Variants in PFKP observed in about 807,000 individuals in gnomAD.
The protein encoded by PFKP is phosphofructokinase, platelet.
Under a neutral mutation model 94.3 loss-of-function variants are expected in PFKP, and 101 were observed. That is an observed-to-expected ratio of 1.07 (90% CI 0.91 to 1.26). PFKP has a LOEUF of 1.26. PFKP is among the 50% of genes most tolerant of loss of function. The probability of loss-of-function intolerance (pLI) is 0.00; values close to 1 mark genes in which losing one functional copy is unlikely to be tolerated. For synonymous variants in PFKP, 573 were observed against 432.6 expected, an observed-to-expected ratio of 1.32 and a Z score of -4.03; for missense variants, 1,145 against 1,103.3, an observed-to-expected ratio of 1.04 and a Z score of -0.53.
At chr10:3,097,529 AG>A (rs571672532) in intron 2 of PFKP, among the ~76,000 whole-genome samples, 2 of 152,162 alleles carry the variant, frequency 1.3e-5, no homozygotes, top group South Asian at 4.2e-4. Flanking sequence ...CCATGGAGGT[AG>A]GGGGCCTGGT....
At chr10:3,113,028 G>T in intron 11 of PFKP, 91 bp from the exon 12 acceptor site, 2 of 1,129,766 alleles carry the variant, frequency 1.8e-6, no homozygotes, top group Non-Finnish European at 2.6e-6. Flanking sequence ...GACACATTGA[G>T]TGCTGGCAGA....
rs140190488 is a variant in PFKP, at chr10:3,131,726, T to C, written c.1849-654T>C. 8.6e-3 allele frequency among the ~76,000 whole-genome samples: 1,311 copies of C among 152,336 alleles called. 16 individuals carry two copies. The highest frequency in any genetic ancestry group is 0.03 in the African/African-American group (1,245 of 41,564). On this transcript the variant is annotated intron_variant, in intron 17 of 21. Coordinates refer to ENST00000381125, the MANE Select transcript of PFKP (RefSeq NM_002627.5). ...TATCCGCCTTGGCCTCCCAAAGTGC[T>C]GGGACTACAGGCATGAGCCACCATG...
intron 16 of PFKP, among the ~76,000 whole-genome samples, chr10:3,123,346 G>T (rs116021966): frequency 6.6e-6 from 1 of 152,228 alleles, no homozygotes; most frequent in Admixed American, 6.5e-5. Context: ...GCCTGGCTGC[G>T]CTTGGTCTTG....
chr10:3,135,649 C>G (rs899387846), intron 20 of PFKP, 87 bp from the exon 21 acceptor site: 1 of 805,486 alleles, frequency 1.2e-6, no homozygotes, highest in Non-Finnish European at 2.1e-6. Flanking sequence ...TCTGAGGAAT[C>G]TCAGTTCTCA....
intron 16 of PFKP, among the ~76,000 whole-genome samples, chr10:3,122,600 C>T (rs578060439): frequency 6.6e-6 from 1 of 152,312 alleles, no homozygotes; most frequent in East Asian, 1.9e-4. Context: ...GCTCCGGGTC[C>T]CCCCGGCCAC....
chr10:3,133,807 G>C (rs1451680119), intron 19 of PFKP, among the ~76,000 whole-genome samples: 3 of 152,110 alleles, frequency 2.0e-5, no homozygotes, highest in Non-Finnish European at 4.4e-5. Context: ...TGAGTAATGG[G>C]GATTTTAAGG....
chr10:3,112,988 GCCT>G, intron 11 of PFKP, 128 bp from the exon 12 acceptor site: 2 of 780,552 alleles, frequency 2.6e-6, no homozygotes, highest in Non-Finnish European at 4.2e-6. Flanking sequence ...GAACCCTGGG[GCCT>G]CCTCCTTCTG....
intron 1 of PFKP, among the ~76,000 whole-genome samples, chr10:3,080,090 G>T (rs550425373): frequency 9.7e-4 from 138 of 142,644 alleles, no homozygotes; most frequent in African/African-American, 3.2e-3. Flanking sequence ...TGCTACCAAG[G>T]TTCAGGAACA....
intron 16 of PFKP, among the ~76,000 whole-genome samples, chr10:3,123,149 C>T (rs552913686): frequency 2.0e-5 from 3 of 152,294 alleles, no homozygotes; most frequent in South Asian, 2.1e-4. Context: ...ACCTCAGAGC[C>T]GGTGTGACAC....
At chr10:3,124,032 C>A (rs560679974) in intron 16 of PFKP, among the ~76,000 whole-genome samples, 18 of 148,754 alleles carry the variant, frequency 1.2e-4, no homozygotes, top group African/African-American at 4.4e-4. Context: ...ATCCACCGTG[C>A]TGTGAACTCA....
Position 3,073,861 on chromosome 10 carries a change from G to A in PFKP, c.112+6154G>A, listed in dbSNP as rs114660101. Among the ~76,000 whole-genome samples the A allele has an allele frequency of 6.5e-3, 993 of 152,036 alleles. 17 individuals are homozygous for A. Among genetic ancestry groups the A allele is most frequent in the African/African-American group, 0.022 (924 of 41,428 alleles). Reference sequence around the variant, plus strand: ...TTGTTTGTTTGTTTGTTTTTGAGACGGGATCTTGCCCTCTTGCCCAGCCTG... The same window carrying A: ...TTGTTTGTTTGTTTGTTTTTGAGACAGGATCTTGCCCTCTTGCCCAGCCTG... On this transcript the variant is annotated intron_variant, in intron 1 of 21. Coordinates refer to ENST00000381125, the MANE Select transcript of PFKP (RefSeq NM_002627.5).
chr10:3,082,560 A>G (rs966928309), intron 2 of PFKP, 99 bp downstream of exon 2: 7 of 773,436 alleles, frequency 9.1e-6, no homozygotes, highest in Non-Finnish European at 1.4e-5. Flanking sequence ...CATGCTGAGC[A>G]CAGCCGAAGA....
intron 1 of PFKP, among the ~76,000 whole-genome samples, chr10:3,071,726 G>C (rs938849614): frequency 6.6e-6 from 1 of 152,166 alleles, no homozygotes; most frequent in Admixed American, 6.5e-5. Flanking sequence ...TGTGAAAGCT[G>C]CGTCCTTTTT....
rs755660481 is a variant in PFKP, at chr10:3,129,917, G to A, written c.1782G>A (p.Gly594=). The A allele has an allele frequency of 2.5e-6, 4 of 1,612,262 alleles. No homozygotes were observed. The African/African-American group carries it at 5.3e-5, about 22-fold the overall frequency. The change falls in exon 17 of 22, where the codon GGG becomes GGA. Residue 594 remains glycine (G), a synonymous_variant. Transcript: ENST00000381125. ...ACTGTGGCTACCTGGCCAACATGGG[G>A]GGGCTCGCGGCCGGAGCTGATGCCG... is the stretch of plus-strand genomic sequence containing the variant. ...GGYCGYLANM[G]GLAAGADAAY... is the part of the protein sequence containing the mutation.
chr10:3,134,020 G>T (rs1378908562), intron 19 of PFKP, among the ~76,000 whole-genome samples: 1 of 152,136 alleles, frequency 6.6e-6, no homozygotes, highest in African/African-American at 2.4e-5. Flanking sequence ...CTGAGCCTGG[G>T]ACACAGGGTC....
At chr10:3,134,675 G>C (rs1839020822) in intron 20 of PFKP, 93 bp downstream of exon 20, 2 of 802,858 alleles carry the variant, frequency 2.5e-6, no homozygotes, top group Non-Finnish European at 4.3e-6. Context: ...GTAGGGTGCT[G>C]GTTCCTTCTT....
intron 2 of PFKP, among the ~76,000 whole-genome samples, chr10:3,088,040 C>T (rs1383189232): frequency 1.5e-5 from 2 of 134,102 alleles, no homozygotes; most frequent in Non-Finnish European, 3.1e-5. Flanking sequence ...TACATGTGCA[C>T]AACGTGCAGG....
chr10:3,086,237 T>C (rs1833585578), intron 2 of PFKP, among the ~76,000 whole-genome samples: 1 of 152,164 alleles, frequency 6.6e-6, no homozygotes, highest in African/African-American at 2.4e-5. Flanking sequence ...CCTGACGCTG[T>C]TGTGTGTTGA....
chr10:3,102,829 A>G (rs1439554320), intron 4 of PFKP, among the ~76,000 whole-genome samples: 1 of 152,248 alleles, frequency 6.6e-6, no homozygotes, highest in African/African-American at 2.4e-5. Context: ...GTTTGTGAAC[A>G]TCCTCGTAGG....
Sources: gnomAD v4.1 joint callset for allele counts (sites outside exome capture counted in the v4.1 genomes callset) on GRCh38, gnomAD v4.1.1 for gene constraint, MANE v1.5 for transcripts, NCBI Gene and HGNC (gene_info 2026-07-23, HGNC 2026-07-21) for gene names.